The following CPED1 variants were observed in gnomAD, a reference collection of about 807,000 sequenced individuals.
CPED1 encodes the protein cadherin like and PC-esterase domain containing 1.
In CPED1, 114 loss-of-function variants were observed where a neutral mutation model predicts 128.2. The ratio of observed to expected loss-of-function variants is 0.89; its 90% CI spans 0.76 to 1.04. CPED1 has a LOEUF of 1.04. Among genes scored for constraint, CPED1 ranks in the 50% least tolerant of loss-of-function variants. CPED1 has a pLI of 0.00. For missense variants in CPED1, 1,211 were observed against 1,207.1 expected, an observed-to-expected ratio of 1.00 and a Z score of -0.05; for synonymous variants, 462 against 426.7, an observed-to-expected ratio of 1.08 and a Z score of -1.02.
intron 3 of CPED1, among the ~76,000 whole-genome samples, chr7:121,021,570 T>A (rs1436873123): frequency 6.6e-6 from 1 of 152,028 alleles, no homozygotes; most frequent in Non-Finnish European, 1.5e-5. Context: ...TAAGACGAGC[T>A]TAACCACAAT....
chr7:121,218,169 A>C (rs1012749016), intron 16 of CPED1, among the ~76,000 whole-genome samples: 1 of 110,006 alleles, frequency 9.1e-6, no homozygotes, highest in African/African-American at 3.6e-5. Flanking sequence ...TTTTTTTTGT[A>C]TTTTTAGTAG....
At chr7:121,257,882 T>C (rs1466426442) in intron 18 of CPED1, among the ~76,000 whole-genome samples, 1 of 152,094 alleles carries the variant, frequency 6.6e-6, no homozygotes, top group Non-Finnish European at 1.5e-5. Context: ...TATTTTGTTT[T>C]CTATACACAT....
At chr7:121,207,903 C>T (rs1008062688) in intron 16 of CPED1, among the ~76,000 whole-genome samples, 2 of 151,898 alleles carry the variant, frequency 1.3e-5, no homozygotes, top group African/African-American at 2.4e-5. Context: ...GATTATTCCC[C>T]CTCTACTTCA....
chr7:121,014,926 T>C (rs1792260940), intron 2 of CPED1, among the ~76,000 whole-genome samples: 1 of 152,228 alleles, frequency 6.6e-6, no homozygotes, highest in East Asian at 1.9e-4. Flanking sequence ...TGTCTGCCTT[T>C]AAGCCTTATA....
intron 22 of CPED1, among the ~76,000 whole-genome samples, chr7:121,280,336 A>G (rs1792436515): frequency 2.6e-5 from 4 of 152,158 alleles, no homozygotes; most frequent in African/African-American, 4.8e-5. Flanking sequence ...GATAGAACCA[A>G]CAGTTTAATA....
intron 5 of CPED1, among the ~76,000 whole-genome samples, chr7:121,072,746 G>A (rs781362155): frequency 2.8e-4 from 42 of 152,114 alleles, no homozygotes; most frequent in African/African-American, 6.8e-4. Flanking sequence ...CTTCCAATTT[G>A]AGCATATTGG....
At chr7:120,994,660 T>TGTGTGTGTGTGTGTGTG (rs60506801) in intron 2 of CPED1, among the ~76,000 whole-genome samples, 5 of 127,338 alleles carry the variant, frequency 3.9e-5, no homozygotes, top group African/African-American at 1.2e-4. Flanking sequence ...TGTGTGTGTG[T>TGTGTGTGTGTGTGTGTG]TGTTGTTGTT....
intron 14 of CPED1, 50 bp downstream of exon 14, chr7:121,136,140 A>G (rs747975474): frequency 1.3e-6 from 2 of 1,506,938 alleles, no homozygotes; most frequent in Non-Finnish European, 1.8e-6. Flanking sequence ...ATTAGGGAAC[A>G]GCCTTACTTT....
chr7:121,276,917 G>A (rs1456331555), intron 22 of CPED1, among the ~76,000 whole-genome samples: 2 of 152,026 alleles, frequency 1.3e-5, no homozygotes, highest in South Asian at 2.1e-4. Flanking sequence ...CAGGAGAGGA[G>A]TGAGATGGTC....
chr7:121,285,334 G>A (rs1562862673), intron 22 of CPED1, among the ~76,000 whole-genome samples: 2 of 152,114 alleles, frequency 1.3e-5, no homozygotes, highest in African/African-American at 4.8e-5. Flanking sequence ...CTGCCATGAA[G>A]GTCTCTGACA....
At position 121,142,131 on chromosome 7, in the gene CPED1, G is replaced by T. The variant is rs1434346690; in HGVS notation, c.2045G>T (p.Gly682Val). ...TTGTTTGAGGCCTTCACAGCATGTG[G>T]TTTTGTGCAGGTAAGTGAAGTTTAC... ...LPLFEAFTAC[G>V]FVQDCGLLIH... Residue 682 changes from glycine (G) to valine (V), a missense_variant, in exon 16 of 23, where the codon GGT becomes GTT. Transcript: ENST00000310396. The T allele has an allele frequency of 6.2e-7, 1 of 1,608,830 alleles. No individual in the cohort carries two copies. The highest frequency in any genetic ancestry group is 8.5e-7 in the Non-Finnish European group (1 of 1,176,338).
intron 16 of CPED1, among the ~76,000 whole-genome samples, chr7:121,179,512 C>T (rs1282766216): frequency 6.6e-6 from 1 of 152,096 alleles, no homozygotes; most frequent in African/African-American, 2.4e-5. Flanking sequence ...TGGAACGTTT[C>T]TGGCATATTC....
intron 16 of CPED1, among the ~76,000 whole-genome samples, chr7:121,199,489 C>T (rs1461706621): frequency 6.6e-6 from 1 of 151,260 alleles, no homozygotes; most frequent in Non-Finnish European, 1.5e-5. Context: ...ACCATCCTGG[C>T]CAGCATGGTG....
At chr7:121,230,582 C>T (rs1300628835) in intron 16 of CPED1, among the ~76,000 whole-genome samples, 1 of 151,996 alleles carries the variant, frequency 6.6e-6, no homozygotes, top group African/African-American at 2.4e-5. Flanking sequence ...TTCAGAAGAT[C>T]AAGGATGTCA....
rs34040961 is a variant in CPED1 at position 121,131,962 on chromosome 7, GT to G, written c.1577+1681del. Among the ~76,000 whole-genome samples the G allele has an allele frequency of 7.6e-3, 1,069 of 141,376 alleles. 11 individuals are homozygous for G. Among genetic ancestry groups the G allele is most frequent in the African/African-American group, 0.021 (804 of 38,602 alleles). The allele number at this position is 141,376 out of a possible 152,430, so 92.7% of individuals were successfully genotyped here. A position where few individuals can be genotyped will look rare whatever the true frequency, so the allele number is the denominator to read the frequency against. ...TTTTAGCTTCTATAGTGGGGGTAATGTTTTTTTTTTTTTAATGGGAAAAGCA... is the reference window on the plus strand; with the variant it reads ...TTTTAGCTTCTATAGTGGGGGTAATGTTTTTTTTTTTTAATGGGAAAAGCA... On this transcript the variant is annotated intron_variant, in intron 12 of 22. Transcript: ENST00000310396.
intron 16 of CPED1, among the ~76,000 whole-genome samples, chr7:121,157,585 C>T (rs1796316655): frequency 6.6e-6 from 1 of 152,128 alleles, no homozygotes; most frequent in African/African-American, 2.4e-5. Flanking sequence ...GGATCTTTGA[C>T]ATCTAACACC....
chr7:121,150,296 G>A (rs1221551433), intron 16 of CPED1, among the ~76,000 whole-genome samples: 1 of 151,728 alleles, frequency 6.6e-6, no homozygotes, highest in Non-Finnish European at 1.5e-5. Flanking sequence ...GTGAGAATAT[G>A]TGGTATTTGG....
At chr7:121,246,575 G>T (rs1798539696) in intron 18 of CPED1, among the ~76,000 whole-genome samples, 1 of 152,148 alleles carries the variant, frequency 6.6e-6, no homozygotes, top group East Asian at 1.9e-4. Flanking sequence ...CCATCATGAA[G>T]CCTCTATCAT....
intron 7 of CPED1, among the ~76,000 whole-genome samples, chr7:121,113,214 T>C (rs1795154035): frequency 6.6e-6 from 1 of 152,212 alleles, no homozygotes; most frequent in Non-Finnish European, 1.5e-5. Flanking sequence ...TTCAACTCAG[T>C]TGTACTCCAG....
Sources: gnomAD v4.1 joint callset for allele counts (sites outside exome capture counted in the v4.1 genomes callset) on GRCh38, gnomAD v4.1.1 for gene constraint, MANE v1.5 for transcripts, NCBI Gene and HGNC (gene_info 2026-07-23, HGNC 2026-07-21) for gene names.